CLEC2D: variants seen among roughly 807,000 people sequenced by gnomAD.
The protein encoded by CLEC2D is C-type lectin domain family 2 member D.
CLEC2D carries 16 observed loss-of-function variants against 20.0 expected under a neutral mutation model. That is an observed-to-expected ratio of 0.80 (90% CI 0.54 to 1.22). The LOEUF (loss-of-function observed/expected upper bound fraction) is 1.22. CLEC2D is among the 50% of genes most tolerant of loss of function. CLEC2D has a pLI of 0.00. For missense variants in CLEC2D, 207 were observed against 221.5 expected (o/e 0.93, Z 0.42); for synonymous variants, 77 against 71.1 (o/e 1.08, Z -0.42).
At chr12:9,688,239 T>C in intron 3 of CLEC2D, 153 bp downstream of exon 3, 3 of 1,258,284 alleles carry the variant, frequency 2.4e-6, no homozygotes, top group African/African-American at 3.3e-5. Context: ...TAACCTAGCA[T>C]GTATTATATT....
chr12:9,696,144 C>T lies in CLEC2D; in HGVS notation c.*1270C>T. 1.1e-6 allele frequency: 1 copy of T among 907,564 alleles called. No individual in the cohort carries two copies. Among genetic ancestry groups the T allele is most frequent in the Non-Finnish European group, 1.8e-6 (1 of 551,242 alleles). 56.2% of individuals were successfully genotyped at this position (907,564 alleles called of 1,614,324 possible). ...GTGGTTCTCTTCCCAAAGTGGAAACCAAGTTCATCAATTATGTGAAGAATT... is the reference window on the plus strand; with the variant it reads ...GTGGTTCTCTTCCCAAAGTGGAAACTAAGTTCATCAATTATGTGAAGAATT... On this transcript the variant is annotated 3_prime_UTR_variant, in exon 5 of 5. Transcript: ENST00000290855.
intron 1 of CLEC2D, among the ~76,000 whole-genome samples, chr12:9,675,284 C>T (rs1408856898): frequency 6.6e-6 from 1 of 151,814 alleles, no homozygotes; most frequent in Admixed American, 6.6e-5. Flanking sequence ...AGCTCCGCCT[C>T]CTGGGTTCAC....
At position 9,695,882 on chromosome 12, in the gene CLEC2D, AT is replaced by A; in HGVS notation, c.*1009del. On this transcript the variant is annotated 3_prime_UTR_variant, in exon 5 of 5. Transcript: ENST00000290855. ...GATGATGATGATGATGAAGATGATGATGATGATGATGACGAGGAAGCTGAAG... is the reference window on the plus strand; with the variant it reads ...GATGATGATGATGATGAAGATGATGAGATGATGATGACGAGGAAGCTGAAG... 2 of 1,075,026 alleles carry A rather than the reference AT, an allele frequency of 1.9e-6. No homozygotes were observed. 66.6% of individuals were successfully genotyped at this position (1,075,026 alleles called of 1,614,324 possible).
At chr12:9,671,156 A>G (rs904548568) in intron 1 of CLEC2D, among the ~76,000 whole-genome samples, 1 of 152,178 alleles carries the variant, frequency 6.6e-6, no homozygotes, top group African/African-American at 2.4e-5. Flanking sequence ...AAGAAGAAAA[A>G]AAAAGCAAGA....
chr12:9,669,854 T>C, intron 1 of CLEC2D, 59 bp downstream of exon 1: 1 of 1,347,532 alleles, frequency 7.4e-7, no homozygotes, highest in Non-Finnish European at 1.1e-6. Context: ...GTAGTGGTAG[T>C]GATGGGCTCA....
At chr12:9,672,115 A>T (rs1865436493) in intron 1 of CLEC2D, among the ~76,000 whole-genome samples, 1 of 152,204 alleles carries the variant, frequency 6.6e-6, no homozygotes, top group Admixed American at 6.5e-5. Flanking sequence ...AGACTGAGAA[A>T]CACATCTTGC....
chr12:9,684,494 T>A (rs948214953), intron 2 of CLEC2D, among the ~76,000 whole-genome samples: 2 of 152,228 alleles, frequency 1.3e-5, no homozygotes, highest in African/African-American at 2.4e-5. Context: ...TTTTGGCCAC[T>A]CAGTATGATA....
chr12:9,680,119 T>A (rs1865603756), intron 1 of CLEC2D: 1 of 174,670 alleles, frequency 5.7e-6, no homozygotes, highest in Non-Finnish European at 1.3e-5. Context: ...ACCCTCGTGC[T>A]GTTCTTGTGA....
chr12:9,674,437 C>G (rs937775794), intron 1 of CLEC2D, among the ~76,000 whole-genome samples: 14 of 152,180 alleles, frequency 9.2e-5, no homozygotes, highest in Admixed American at 6.5e-4. Context: ...CACCAGCTGC[C>G]CAATGAGATG....
intron 2 of CLEC2D, among the ~76,000 whole-genome samples, chr12:9,682,035 C>CT (rs960972856): frequency 7.3e-5 from 11 of 151,660 alleles, no homozygotes; most frequent in South Asian, 4.2e-4. Flanking sequence ...ATTTATAGCT[C>CT]TTTTTTTTAC....
intron 3 of CLEC2D, among the ~76,000 whole-genome samples, chr12:9,692,358 T>C (rs1247508438): frequency 1.3e-5 from 2 of 152,138 alleles, no homozygotes; most frequent in Non-Finnish European, 2.9e-5. Context: ...AAGCCTAGTC[T>C]CAAACTCTTG....
At chr12:9,693,268 A>G (rs1243934040) in intron 4 of CLEC2D, 2 of 591,116 alleles carry the variant, frequency 3.4e-6, no homozygotes, top group Non-Finnish European at 6.1e-6. Flanking sequence ...CACAGGGTTG[A>G]TGTGAGGAAC....
At chr12:9,688,303 A>G in intron 3 of CLEC2D, 2 of 905,606 alleles carry the variant, frequency 2.2e-6, no homozygotes, top group Non-Finnish European at 2.9e-6. Context: ...ACAGGCCCAG[A>G]GGGCAAGCAA....
rs1411116502 is a variant in CLEC2D at position 9,695,057 on chromosome 12, A to T, written c.*183A>T. On this transcript the variant is annotated 3_prime_UTR_variant, in exon 5 of 5. Coordinates refer to ENST00000290855, the MANE Select transcript of CLEC2D (RefSeq NM_013269.6). ...AATATTACCTGTTTTCATGGTGCTA[A>T]TATTACCTGTTCTCCCACTGCTAAT... 11 of 587,276 alleles carry T rather than the reference A, an allele frequency of 1.9e-5. No individual in the cohort carries two copies. The highest frequency in any genetic ancestry group is 3.3e-5 in the Non-Finnish European group (11 of 329,896). 36.4% of individuals were successfully genotyped at this position (587,276 alleles called of 1,614,324 possible).
chr12:9,695,465 G>T lies in CLEC2D; in HGVS notation c.*591G>T. The T allele has an allele frequency of 1.5e-6, 2 of 1,317,864 alleles. No individual in the cohort carries two copies. The allele number at this position is 1,317,864 out of a possible 1,614,324, so 81.6% of individuals were successfully genotyped here. ...CAGTTGTGAACTAAAGGCCGACAAA[G>T]ATGATCACTTTAAGGTGGATAATGA... On this transcript the variant is annotated 3_prime_UTR_variant, in exon 5 of 5. Coordinates refer to ENST00000290855, the MANE Select transcript of CLEC2D (RefSeq NM_013269.6).
At chr12:9,689,076 G>T (rs1267441443) in intron 3 of CLEC2D, among the ~76,000 whole-genome samples, 3 of 152,156 alleles carry the variant, frequency 2.0e-5, no homozygotes. Context: ...CAAATGTCAG[G>T]GTTATTGCTG....
At chr12:9,684,887 G>A (rs1021442402) in intron 2 of CLEC2D, among the ~76,000 whole-genome samples, 3 of 152,128 alleles carry the variant, frequency 2.0e-5, no homozygotes, top group Non-Finnish European at 2.9e-5. Flanking sequence ...GATGATGCTG[G>A]TCTCATATAA....
intron 4 of CLEC2D, 88 bp downstream of exon 4, chr12:9,693,019 A>G: frequency 6.2e-7 from 1 of 1,611,324 alleles, no homozygotes; most frequent in East Asian, 2.2e-5. Flanking sequence ...TGCTTTAAAA[A>G]ATTCTCATTT....
intron 3 of CLEC2D, among the ~76,000 whole-genome samples, chr12:9,690,893 T>TGG (rs1446068583): frequency 4.6e-5 from 7 of 151,986 alleles, no homozygotes; most frequent in Non-Finnish European, 1.0e-4. Context: ...CAAAAGTAAA[T>TGG]CTTGTTTTAG....
Sources: allele counts gnomAD v4.1 joint callset (sites outside exome capture counted in the v4.1 genomes callset), GRCh38; gene constraint gnomAD v4.1.1; transcripts MANE v1.5; gene names NCBI Gene and HGNC (gene_info 2026-07-23, HGNC 2026-07-21).